Variants in IMMP2L observed in about 807,000 individuals in gnomAD.
IMMP2L encodes the protein inner mitochondrial membrane peptidase subunit 2, also known as mitochondrial inner membrane protease subunit 2.
IMMP2L carries 18 observed loss-of-function variants against 19.3 expected under a neutral mutation model. The ratio of observed to expected loss-of-function variants is 0.93; its 90% CI spans 0.64 to 1.38. IMMP2L has a LOEUF of 1.38. IMMP2L is among the 40% of genes most tolerant of loss of function. The probability of loss-of-function intolerance (pLI) is 0.00; values close to 1 mark genes in which losing one functional copy is unlikely to be tolerated. For missense variants in IMMP2L, 233 were observed against 218.2 expected, an observed-to-expected ratio of 1.07 and a Z score of -0.43; for synonymous variants, 76 against 73.0, an observed-to-expected ratio of 1.04 and a Z score of -0.21.
chr7:111,075,197 G>A (rs1795295816), intron 3 of IMMP2L, among the ~76,000 whole-genome samples: 1 of 140,726 alleles, frequency 7.1e-6, no homozygotes, highest in Non-Finnish European at 1.5e-5. Flanking sequence ...CACAATCTCA[G>A]GTCACTGCAA....
chr7:111,087,865 T>G (rs1796492536), intron 3 of IMMP2L, among the ~76,000 whole-genome samples: 1 of 152,182 alleles, frequency 6.6e-6, no homozygotes, highest in Non-Finnish European at 1.5e-5. Flanking sequence ...TGTCAAACAT[T>G]TGTTCAAGAC....
At chr7:111,497,136 G>A (rs940938563) in intron 2 of IMMP2L, among the ~76,000 whole-genome samples, 2 of 151,946 alleles carry the variant, frequency 1.3e-5, no homozygotes, top group Non-Finnish European at 2.9e-5. Flanking sequence ...ACTATAGAAC[G>A]CCCCATCAAA....
At chr7:111,445,228 T>C (rs992334908) in intron 3 of IMMP2L, among the ~76,000 whole-genome samples, 7 of 152,016 alleles carry the variant, frequency 4.6e-5, no homozygotes, top group Non-Finnish European at 7.4e-5. Flanking sequence ...CTGCAGGACA[T>C]TGTTTTGGGC....
intron 2 of IMMP2L, among the ~76,000 whole-genome samples, chr7:111,519,881 A>T (rs1846187550): frequency 6.6e-6 from 1 of 152,086 alleles, no homozygotes; most frequent in African/African-American, 2.4e-5. Context: ...GGGAAAAAAA[A>T]TCATTCTTAA....
chr7:110,782,623 T>C (rs1799815067), intron 5 of IMMP2L, among the ~76,000 whole-genome samples: 1 of 151,854 alleles, frequency 6.6e-6, no homozygotes, highest in South Asian at 2.1e-4. Context: ...CTTAAAAAAA[T>C]ACATAAGGAA....
chr7:110,681,626 C>T (rs911496837), intron 5 of IMMP2L, among the ~76,000 whole-genome samples: 1 of 152,164 alleles, frequency 6.6e-6, no homozygotes, highest in African/African-American at 2.4e-5. Flanking sequence ...CTCAACACAA[C>T]AGATATGCAA....
intron 3 of IMMP2L, among the ~76,000 whole-genome samples, chr7:111,372,544 A>G (rs1830347217): frequency 6.6e-6 from 1 of 151,998 alleles, no homozygotes; most frequent in African/African-American, 2.4e-5. Flanking sequence ...AAGGCAGAGA[A>G]GAGAGATGGA....
intron 5 of IMMP2L, among the ~76,000 whole-genome samples, chr7:110,814,490 T>C (rs1423882563): frequency 1.3e-5 from 2 of 150,808 alleles, no homozygotes; most frequent in Admixed American, 6.6e-5. Flanking sequence ...AATAATAGGC[T>C]AAGAATTAAA....
intron 2 of IMMP2L, among the ~76,000 whole-genome samples, chr7:111,499,415 G>T (rs1843927175): frequency 6.6e-6 from 1 of 151,920 alleles, no homozygotes; most frequent in South Asian, 2.1e-4. Context: ...GAGCCCCAAG[G>T]TCTCCTCAGA....
Position 110,971,920 on chromosome 7 carries a change from G to A in IMMP2L, c.240-8355C>T, listed in dbSNP as rs73433193. Among the ~76,000 whole-genome samples, 302 of 152,132 alleles carry A rather than the reference G, an allele frequency of 2.0e-3. 2 individuals carry two copies. Among genetic ancestry groups the A allele is most frequent in the Middle Eastern group, 6.8e-3 (2 of 294 alleles). ...GTGTATGTGTGGGGAGAGGTGAGAT[G>A]CCACATAATCAATGATACTATTGTA... is the stretch of plus-strand genomic sequence containing the variant. On this transcript the variant is annotated intron_variant, in intron 3 of 5. Coordinates refer to ENST00000405709, the MANE Select transcript of IMMP2L (RefSeq NM_032549.4).
chr7:111,090,081 A>C (rs1430157301), intron 3 of IMMP2L, among the ~76,000 whole-genome samples: 1 of 151,978 alleles, frequency 6.6e-6, no homozygotes, highest in Middle Eastern at 3.2e-3. Context: ...ATTAATCCTC[A>C]TGTTCCATTC....
chr7:111,138,688 G>T (rs1802578112), intron 3 of IMMP2L, among the ~76,000 whole-genome samples: 1 of 152,076 alleles, frequency 6.6e-6, no homozygotes, highest in Non-Finnish European at 1.5e-5. Flanking sequence ...AAAGATTAGA[G>T]ATAAGGTCCT....
At chr7:111,551,495 GGTGTGTGTGTGTGTGTGTGTGT>G (rs60697579) in intron 1 of IMMP2L, among the ~76,000 whole-genome samples, 2 of 145,248 alleles carry the variant, frequency 1.4e-5, no homozygotes, top group African/African-American at 5.1e-5. Flanking sequence ...GACTGTTAGA[GGTGTGTGTGTGTGTGTGTGTGT>G]GTGTGTGTGT....
intron 4 of IMMP2L, among the ~76,000 whole-genome samples, chr7:110,936,805 C>G (rs935759520): frequency 2.0e-5 from 3 of 152,116 alleles, no homozygotes; most frequent in Non-Finnish European, 2.9e-5. Flanking sequence ...AACCCAAATT[C>G]CTATCAATGA....
intron 3 of IMMP2L, among the ~76,000 whole-genome samples, chr7:111,183,781 CA>C (rs1462287743): frequency 6.6e-6 from 1 of 152,024 alleles, no homozygotes; most frequent in Non-Finnish European, 1.5e-5. Flanking sequence ...ATGCCTCAAT[CA>C]AGAAACTATG....
intron 5 of IMMP2L, among the ~76,000 whole-genome samples, chr7:110,883,874 C>G (rs1809944404): frequency 6.6e-6 from 1 of 151,344 alleles, no homozygotes; most frequent in Non-Finnish European, 1.5e-5. Context: ...GATAGAAAAA[C>G]TTCAAAGTGG....
intron 5 of IMMP2L, among the ~76,000 whole-genome samples, chr7:110,722,555 C>G (rs558737291): frequency 1.3e-5 from 2 of 152,232 alleles, no homozygotes; most frequent in East Asian, 3.9e-4. Context: ...ATAATACAAT[C>G]TATTTTCTCC....
At chr7:111,030,820 A>G (rs562082377) in intron 3 of IMMP2L, among the ~76,000 whole-genome samples, 3 of 150,244 alleles carry the variant, frequency 2.0e-5, no homozygotes, top group African/African-American at 4.9e-5. Context: ...ATATGTGTGT[A>G]TATGTGTCTG....
intron 5 of IMMP2L, among the ~76,000 whole-genome samples, chr7:110,685,261 AG>A (rs1449533581): frequency 6.6e-6 from 1 of 152,168 alleles, no homozygotes; most frequent in Non-Finnish European, 1.5e-5. Context: ...CTTTGGAGTC[AG>A]AAAACCAGGT....
Sources: gnomAD v4.1 joint callset for allele counts (sites outside exome capture counted in the v4.1 genomes callset) on GRCh38, gnomAD v4.1.1 for gene constraint, MANE v1.5 for transcripts, NCBI Gene and HGNC (gene_info 2026-07-23, HGNC 2026-07-21) for gene names.